The following SOX5 variants were observed in gnomAD, a reference collection of about 807,000 sequenced individuals.
SOX5 encodes the protein SRY-box transcription factor 5.
A neutral mutation model predicts 92.0 loss-of-function variants in SOX5; 9 were observed. The ratio of observed to expected loss-of-function variants is 0.10; its 90% CI spans 0.06 to 0.17. SOX5 has a LOEUF of 0.17. SOX5 is among the 10% of genes least tolerant of loss of function. SOX5 has a pLI of 1.00. For missense variants in SOX5, 642 were observed against 944.5 expected, an observed-to-expected ratio of 0.68 and a Z score of 4.20; for synonymous variants, 344 against 336.3, an observed-to-expected ratio of 1.02 and a Z score of -0.25.
At chr12:23,626,099 A>G (rs1049534248) in intron 8 of SOX5, among the ~76,000 whole-genome samples, 1 of 150,062 alleles carries the variant, frequency 6.7e-6, no homozygotes, top group Admixed American at 6.6e-5. Flanking sequence ...AGAAAAAAGG[A>G]AAGAGAAAAA....
chr12:23,669,797 TG>T (rs1320344391), intron 6 of SOX5, among the ~76,000 whole-genome samples: 1 of 152,184 alleles, frequency 6.6e-6, no homozygotes, highest in Non-Finnish European at 1.5e-5. Flanking sequence ...ATAATTTTCA[TG>T]CAAAAGTGAT....
At chr12:23,709,690 TCTC>T (rs1263937805) in intron 6 of SOX5, among the ~76,000 whole-genome samples, 3 of 152,194 alleles carry the variant, frequency 2.0e-5, no homozygotes, top group Non-Finnish European at 2.9e-5. Context: ...TAATGACAGT[TCTC>T]CTACTGGTTA....
chr12:24,189,962 A>G (rs1160779803), intron 4 of SOX5, among the ~76,000 whole-genome samples: 1 of 152,206 alleles, frequency 6.6e-6, no homozygotes, highest in Non-Finnish European at 1.5e-5. Context: ...TGGCAGAATG[A>G]AAATATATGT....
chr12:24,327,883 G>T (rs1003106218), intron 2 of SOX5, among the ~76,000 whole-genome samples: 1 of 151,920 alleles, frequency 6.6e-6, no homozygotes, highest in Non-Finnish European at 1.5e-5. Context: ...GGTAGAGCTG[G>T]GTTTCACCAT....
chr12:24,416,397 C>T (rs1566110730), intron 1 of SOX5, among the ~76,000 whole-genome samples: 1 of 152,172 alleles, frequency 6.6e-6, no homozygotes, highest in Non-Finnish European at 1.5e-5. Context: ...ACTGACTGAC[C>T]AACCCAGTTT....
intron 4 of SOX5, among the ~76,000 whole-genome samples, chr12:24,177,867 G>A (rs952115026): frequency 2.6e-5 from 4 of 152,132 alleles, no homozygotes; most frequent in East Asian, 1.9e-4. Flanking sequence ...GATGCATTGC[G>A]ATAATTGACC....
intron 3 of SOX5, among the ~76,000 whole-genome samples, chr12:23,784,416 T>A (rs1393011998): frequency 6.6e-6 from 1 of 152,112 alleles, no homozygotes; most frequent in African/African-American, 2.4e-5. Flanking sequence ...AGGTTCCGCC[T>A]CCCGGGTTCA....
intron 4 of SOX5, among the ~76,000 whole-genome samples, chr12:24,068,429 C>A (rs914463475): frequency 7.2e-5 from 11 of 151,764 alleles, no homozygotes; most frequent in African/African-American, 2.7e-4. Context: ...AAAGAAACAC[C>A]TATATCATGT....
intron 4 of SOX5, among the ~76,000 whole-genome samples, chr12:24,058,033 C>T (rs1958300392): frequency 1.3e-5 from 2 of 152,250 alleles, no homozygotes; most frequent in African/African-American, 2.4e-5. Context: ...ATTATGACTG[C>T]CATCCTTTTG....
chr12:23,883,122 G>A (rs1393647783), intron 2 of SOX5, among the ~76,000 whole-genome samples: 3 of 151,734 alleles, frequency 2.0e-5, no homozygotes, highest in South Asian at 4.2e-4. Context: ...TGGAGCTTGC[G>A]GTGAGCTGAG....
chr12:24,376,477 A>G (rs1414033393), intron 1 of SOX5, among the ~76,000 whole-genome samples: 1 of 152,182 alleles, frequency 6.6e-6, no homozygotes, highest in Non-Finnish European at 1.5e-5. Flanking sequence ...ATTCATGAAT[A>G]TAGGCACCAA....
chr12:24,082,431 A>G (rs1943471360), intron 4 of SOX5, among the ~76,000 whole-genome samples: 1 of 149,208 alleles, frequency 6.7e-6, no homozygotes, highest in Non-Finnish European at 1.5e-5. Context: ...AAAAAAAAAA[A>G]AAAGATGTAT....
intron 1 of SOX5, among the ~76,000 whole-genome samples, chr12:24,555,755 G>A (rs1953712618): frequency 6.6e-6 from 1 of 152,192 alleles, no homozygotes; most frequent in African/African-American, 2.4e-5. Flanking sequence ...GTGTGTGTGT[G>A]TGACAGAGAG....
intron 1 of SOX5, among the ~76,000 whole-genome samples, chr12:24,493,602 C>T (rs1380051766): frequency 1.3e-5 from 2 of 152,082 alleles, no homozygotes; most frequent in African/African-American, 2.4e-5. Flanking sequence ...CGGTGGCTCA[C>T]GCCTGTAATC....
At chr12:23,953,593 T>C (rs1406337485), upstream of SOX5, among the ~76,000 whole-genome samples, 4 of 152,018 alleles carry the variant, frequency 2.6e-5, no homozygotes, top group South Asian at 4.1e-4. Flanking sequence ...ATTCTAATTA[T>C]ATATATGTAT....
chr12:24,299,329 T>G (rs1187903733), intron 2 of SOX5, among the ~76,000 whole-genome samples: 1 of 152,196 alleles, frequency 6.6e-6, no homozygotes, highest in Non-Finnish European at 1.5e-5. Context: ...CGTGTCAGAA[T>G]AAATGGGAAA....
intron 3 of SOX5, among the ~76,000 whole-genome samples, chr12:23,830,286 G>C (rs965138155): frequency 6.6e-6 from 1 of 152,134 alleles, no homozygotes; most frequent in African/African-American, 2.4e-5. Flanking sequence ...TTTTATGAGT[G>C]TCGATTTCCA....
chr12:24,355,660 T>C (rs900323531), intron 2 of SOX5, among the ~76,000 whole-genome samples: 1 of 152,194 alleles, frequency 6.6e-6, no homozygotes, highest in Non-Finnish European at 1.5e-5. Context: ...TTTTCCTAAT[T>C]AAATGTTTTC....
At chr12:23,999,201 TA>T (rs1401860168) in intron 4 of SOX5, among the ~76,000 whole-genome samples, 2 of 149,756 alleles carry the variant, frequency 1.3e-5, no homozygotes, top group Non-Finnish European at 3.0e-5. Flanking sequence ...TTAAGTGATT[TA>T]AAAGACAACT....
Sources: gnomAD v4.1 joint callset for allele counts (sites outside exome capture counted in the v4.1 genomes callset) on GRCh38, gnomAD v4.1.1 for gene constraint, MANE v1.5 for transcripts, NCBI Gene and HGNC (gene_info 2026-07-23, HGNC 2026-07-21) for gene names.